Variants in SORCS1 observed in about 807,000 individuals in gnomAD.
SORCS1 encodes the protein sortilin related VPS10 domain containing receptor 1.
SORCS1 carries 60 observed loss-of-function variants against 146.1 expected under a neutral mutation model. The observed-to-expected ratio is 0.41, with a 90% CI of 0.33 to 0.51. The LOEUF (loss-of-function observed/expected upper bound fraction) is 0.51. Among genes scored for constraint, SORCS1 ranks in the 20% least tolerant of loss-of-function variants. The pLI, the probability that SORCS1 is intolerant of heterozygous loss-of-function variation, is 0.21. For synonymous variants in SORCS1, 637 were observed against 584.0 expected (o/e 1.09, Z -1.31); for missense variants, 1,352 against 1,487.6 (o/e 0.91, Z 1.50).
chr10:106,908,551 C>A, intron 2 of SORCS1, among the ~76,000 whole-genome samples: 1 of 152,164 alleles, frequency 6.6e-6, no homozygotes, highest in East Asian at 1.9e-4. Flanking sequence ...GATTCAGCCA[C>A]AGCTGAAGAG....
At chr10:107,020,894 C>G (rs1225174685) in intron 1 of SORCS1, among the ~76,000 whole-genome samples, 1 of 152,044 alleles carries the variant, frequency 6.6e-6, no homozygotes, top group Non-Finnish European at 1.5e-5. Flanking sequence ...TTTCCTGTCT[C>G]TATATACATT....
At chr10:107,078,993 A>G (rs1963111436) in intron 1 of SORCS1, among the ~76,000 whole-genome samples, 1 of 152,216 alleles carries the variant, frequency 6.6e-6, no homozygotes, top group Admixed American at 6.5e-5. Flanking sequence ...TGGGAGGCCA[A>G]TGCAGGTAGA....
rs1055337947 is a variant in SORCS1 at position 106,946,704 on chromosome 10, C to T, written c.626+9809G>A. On this transcript the variant is annotated intron_variant, in intron 2 of 25. Coordinates refer to ENST00000263054, the MANE Select transcript of SORCS1 (RefSeq NM_052918.5). ...ATAATACAGTATGGAAACAGACAAACATCACAATAACTTATGCATACATTT... is the reference window on the plus strand; with the variant it reads ...ATAATACAGTATGGAAACAGACAAATATCACAATAACTTATGCATACATTT... 2.0e-5 allele frequency among the ~76,000 whole-genome samples: 3 copies of T among 152,198 alleles called. No individual in the cohort carries two copies. The East Asian group carries it at 5.8e-4, about 29-fold the overall frequency.
intron 3 of SORCS1, among the ~76,000 whole-genome samples, chr10:106,811,946 A>G (rs1947479832): frequency 6.6e-6 from 1 of 152,156 alleles, no homozygotes; most frequent in South Asian, 2.1e-4. Context: ...TCATTTCCTC[A>G]ACTTGAAAAT....
At chr10:106,713,576 T>C (rs919401527) in intron 6 of SORCS1, among the ~76,000 whole-genome samples, 2 of 152,220 alleles carry the variant, frequency 1.3e-5, no homozygotes, top group African/African-American at 4.8e-5. Context: ...CATTTGTTGT[T>C]CATCTGTGAG....
intron 1 of SORCS1, 36 bp from the exon 2 acceptor site, chr10:106,956,616 A>C: frequency 6.3e-7 from 1 of 1,582,024 alleles, no homozygotes; most frequent in Non-Finnish European, 8.7e-7. Context: ...TTAGTCTCAA[A>C]CAATTACAAT....
chr10:107,063,099 T>C (rs763601500), intron 1 of SORCS1, among the ~76,000 whole-genome samples: 3 of 152,176 alleles, frequency 2.0e-5, no homozygotes, highest in Non-Finnish European at 2.9e-5. Flanking sequence ...TATGTACCAG[T>C]ATAATTATAT....
intron 2 of SORCS1, among the ~76,000 whole-genome samples, chr10:106,925,478 G>A (rs1952968320): frequency 6.6e-6 from 1 of 152,118 alleles, no homozygotes; most frequent in South Asian, 2.1e-4. Context: ...CTAAGAGGTG[G>A]CCCCTCCTGA....
At chr10:106,700,015 A>T (rs937807482) in intron 8 of SORCS1, among the ~76,000 whole-genome samples, 1 of 152,202 alleles carries the variant, frequency 6.6e-6, no homozygotes, top group Admixed American at 6.5e-5. Context: ...CTAAGAAAAC[A>T]TTCACCAGAG....
At chr10:106,674,829 C>A (rs1026702353) in intron 14 of SORCS1, among the ~76,000 whole-genome samples, 1 of 152,144 alleles carries the variant, frequency 6.6e-6, no homozygotes, top group African/African-American at 2.4e-5. Context: ...ATCATCACTT[C>A]TAATTTCTCT....
intron 1 of SORCS1, among the ~76,000 whole-genome samples, chr10:106,957,166 T>TTTTTC (rs1954992994): frequency 1.1e-5 from 1 of 88,910 alleles, no homozygotes; most frequent in Admixed American, 1.1e-4. Context: ...TTTTTTTTTG[T>TTTTTC]TTTTTTTGTT....
intron 10 of SORCS1, among the ~76,000 whole-genome samples, chr10:106,681,780 T>G (rs950762103): frequency 1.3e-5 from 2 of 152,224 alleles, no homozygotes; most frequent in Admixed American, 1.3e-4. Flanking sequence ...AGATTTTGAG[T>G]TATTTGCCAC....
intron 2 of SORCS1, among the ~76,000 whole-genome samples, chr10:106,833,807 ATT>A (rs1554855000): frequency 7.6e-6 from 1 of 131,548 alleles, no homozygotes; most frequent in Non-Finnish European, 1.7e-5. Flanking sequence ...TATTATTATT[ATT>A]TTGAGACGGA....
intron 18 of SORCS1, among the ~76,000 whole-genome samples, chr10:106,644,140 T>A (rs1849253764): frequency 6.6e-6 from 1 of 152,204 alleles, no homozygotes; most frequent in African/African-American, 2.4e-5. Context: ...CTATATTTTA[T>A]ATGGATTTCT....
intron 9 of SORCS1, 64 bp downstream of exon 9, chr10:106,699,150 C>G: frequency 7.0e-7 from 1 of 1,426,128 alleles, no homozygotes; most frequent in South Asian, 1.5e-5. Context: ...AGAGTCCATG[C>G]GGGGCTTCCA....
chr10:106,936,626 T>C (rs1953734337), intron 2 of SORCS1, among the ~76,000 whole-genome samples: 1 of 152,220 alleles, frequency 6.6e-6, no homozygotes. Context: ...TTGTGAATGC[T>C]GGCAGAGCTA....
At chr10:106,827,950 C>A (rs1948371785) in intron 3 of SORCS1, among the ~76,000 whole-genome samples, 1 of 152,148 alleles carries the variant, frequency 6.6e-6, no homozygotes, top group Non-Finnish European at 1.5e-5. Context: ...TACAGAAGAG[C>A]TTAGAAGAAA....
At chr10:106,882,661 T>G (rs1446646090) in intron 2 of SORCS1, among the ~76,000 whole-genome samples, 2 of 151,434 alleles carry the variant, frequency 1.3e-5, no homozygotes, top group South Asian at 2.1e-4. Context: ...ACACGCACAC[T>G]CACACTCACA....
intron 1 of SORCS1, among the ~76,000 whole-genome samples, chr10:107,151,411 A>G (rs575594263): frequency 2.2e-4 from 33 of 152,280 alleles, no homozygotes; most frequent in African/African-American, 7.7e-4. Flanking sequence ...GGGAAGAAAA[A>G]GAGGTTTAAT....
Sources: gnomAD v4.1 joint callset for allele counts (sites outside exome capture counted in the v4.1 genomes callset) on GRCh38, gnomAD v4.1.1 for gene constraint, MANE v1.5 for transcripts, NCBI Gene and HGNC (gene_info 2026-07-23, HGNC 2026-07-21) for gene names.